The following DHRS3 variants were observed in gnomAD, a reference collection of about 807,000 sequenced individuals.
The protein encoded by DHRS3 is short-chain dehydrogenase/reductase 3.
In DHRS3, 14 loss-of-function variants were observed where a neutral mutation model predicts 27.2. That is an observed-to-expected ratio of 0.52 (90% confidence interval 0.34 to 0.81). The LOEUF (loss-of-function observed/expected upper bound fraction) is 0.81, where lower values mean the gene tolerates loss of function less well. Ranked by LOEUF, DHRS3 falls within the 30% of genes least tolerant of loss-of-function variation. The pLI, the probability that DHRS3 is intolerant of heterozygous loss-of-function variation, is 0.01. For missense variants in DHRS3, 322 were observed against 406.2 expected (o/e 0.79, Z 1.78); for synonymous variants, 165 against 175.9 (o/e 0.94, Z 0.49).
Position 12,578,084 on chromosome 1 carries a change from A to C in DHRS3, c.698+634T>G, listed in dbSNP as rs916245946. On this transcript the variant is annotated intron_variant, in intron 4 of 5. Transcript: ENST00000616661. The surrounding 1 kb of genome is among the most constrained non-coding windows in gnomAD (Gnocchi z 4.5). ...TGTTTTGGAACTTCATACAGGTGGA[A>C]CCAGGCAGAATGCACCCTATGTCTC... 1.2e-4 allele frequency among the ~76,000 whole-genome samples: 18 copies of C among 151,712 alleles called. No individual in the cohort carries two copies. The highest frequency in any genetic ancestry group is 2.0e-4 in the Admixed American group (3 of 15,232).
At chr1:12,601,319 C>T (rs182613619) in intron 1 of DHRS3, among the ~76,000 whole-genome samples, 34 of 152,252 alleles carry the variant, frequency 2.2e-4, no homozygotes, top group Non-Finnish European at 4.1e-4. Context: ...CACCCAGTCA[C>T]TGCCAGAGAG....
chr1:12,573,327 T>G (rs1296220675), intron 4 of DHRS3, among the ~76,000 whole-genome samples: 4 of 152,190 alleles, frequency 2.6e-5, no homozygotes, highest in Non-Finnish European at 5.9e-5. Flanking sequence ...TTCAGGCCAG[T>G]CCATCCAAAG....
At chr1:12,590,323 G>T (rs1375019938) in intron 1 of DHRS3, among the ~76,000 whole-genome samples, 1 of 152,060 alleles carries the variant, frequency 6.6e-6, no homozygotes, top group Non-Finnish European at 1.5e-5. Context: ...CATTTCTTTT[G>T]CTTTGAGATG....
At chr1:12,584,878 AGTGTGTGT>A (rs35962425) in intron 1 of DHRS3, among the ~76,000 whole-genome samples, 4 of 151,086 alleles carry the variant, frequency 2.6e-5, no homozygotes, top group Admixed American at 6.6e-5. Flanking sequence ...TGTCTCTGTA[AGTGTGTGT>A]GTGTGTGTGT....
intron 1 of DHRS3, among the ~76,000 whole-genome samples, chr1:12,616,283 C>G (rs1646943853): frequency 1.3e-5 from 2 of 152,172 alleles, no homozygotes; most frequent in South Asian, 4.2e-4. Context: ...GCCTGCCTCC[C>G]TCTCCTGATG....
At position 12,592,901 on chromosome 1, in the gene DHRS3, AC is replaced by A. The variant is rs1433747821; in HGVS notation, c.196-12236del. Reference sequence around the variant, plus strand: ...TCTCTCACTGTATGCCCACTCCACCACGCACCCTGTCAGCCTGACCTCTGAA... The same window carrying A: ...TCTCTCACTGTATGCCCACTCCACCAGCACCCTGTCAGCCTGACCTCTGAA... On this transcript the variant is annotated intron_variant, in intron 1 of 5. Coordinates refer to ENST00000616661, the MANE Select transcript of DHRS3 (RefSeq NM_004753.7). The surrounding 1 kb of genome is among the most constrained non-coding windows in gnomAD (Gnocchi z 4.2). Among the ~76,000 whole-genome samples the A allele has an allele frequency of 6.6e-6, 1 of 152,024 alleles. No individual in the cohort carries two copies. The highest frequency in any genetic ancestry group is 2.4e-5 in the African/African-American group (1 of 41,368).
At chr1:12,617,119 G>A (rs1449679664) in intron 1 of DHRS3, 35 bp downstream of exon 1, 2 of 1,587,038 alleles carry the variant, frequency 1.3e-6, no homozygotes, top group South Asian at 2.2e-5. Flanking sequence ...CCGCCCCTGC[G>A]GCCCCCCACT....
intron 1 of DHRS3, among the ~76,000 whole-genome samples, chr1:12,607,061 TGA>T (rs1646876837): frequency 6.6e-6 from 1 of 152,202 alleles, no homozygotes; most frequent in East Asian, 1.9e-4. Flanking sequence ...CTGCTTATAA[TGA>T]GAGTGTTTTG....
At chr1:12,568,948 C>T (rs966867832) in intron 5 of DHRS3, among the ~76,000 whole-genome samples, 13 of 152,016 alleles carry the variant, frequency 8.6e-5, no homozygotes, top group Non-Finnish European at 1.3e-4. Context: ...TCAGACTGGG[C>T]GTGGTGGCTC....
intron 1 of DHRS3, 65 bp downstream of exon 1, chr1:12,617,089 G>A (rs1646949355): frequency 6.6e-7 from 1 of 1,506,426 alleles, no homozygotes. Context: ...ATCCCGCAGC[G>A]GCAGCAGGTG....
intron 1 of DHRS3, among the ~76,000 whole-genome samples, chr1:12,582,822 C>T (rs2100667382): frequency 6.6e-6 from 1 of 151,424 alleles, no homozygotes; most frequent in Admixed American, 6.6e-5. Context: ...CCATCCATCC[C>T]TCCCTCGTCT....
intron 1 of DHRS3, among the ~76,000 whole-genome samples, chr1:12,582,735 C>T (rs879014728): frequency 1.3e-5 from 2 of 152,020 alleles, no homozygotes; most frequent in Admixed American, 1.3e-4. Context: ...CCTGTGTATA[C>T]AGCCACCCAT....
At position 12,591,128 on chromosome 1, in the gene DHRS3, G is replaced by A. The variant is rs1040134057; in HGVS notation, c.196-10462C>T. 6.6e-6 allele frequency among the ~76,000 whole-genome samples: 1 copy of A among 152,168 alleles called. No homozygotes were observed. On this transcript the variant is annotated intron_variant, in intron 1 of 5. Transcript: ENST00000616661. This position sits in a 1 kb window ranked among gnomAD's most constrained non-coding sequence, Gnocchi z 4.1. Reference sequence around the variant, plus strand: ...GTTCTGGATCTTCCATCAGCAAGGGGGATCTATATCTGTTGCTGTACTAAT... The same window carrying A: ...GTTCTGGATCTTCCATCAGCAAGGGAGATCTATATCTGTTGCTGTACTAAT...
chr1:12,590,371 C>A (rs1257983659), intron 1 of DHRS3, among the ~76,000 whole-genome samples: 5 of 152,136 alleles, frequency 3.3e-5, no homozygotes, highest in African/African-American at 9.7e-5. Context: ...AGTGCAGTGG[C>A]GTGATCTTGG....
rs2100696758 is a variant in DHRS3, at chr1:12,595,118, G to A, written c.196-14452C>T. Reference sequence around the variant, plus strand: ...GGGAGGGGAGGCGGTGAGCGAGAAAGCAGTTCCAGGTGGCAAAGGCAGCTC... The same window carrying A: ...GGGAGGGGAGGCGGTGAGCGAGAAAACAGTTCCAGGTGGCAAAGGCAGCTC... On this transcript the variant is annotated intron_variant, in intron 1 of 5. Coordinates refer to ENST00000616661, the MANE Select transcript of DHRS3 (RefSeq NM_004753.7). Among the ~76,000 whole-genome samples, 3 of 152,236 alleles carry A rather than the reference G, an allele frequency of 2.0e-5. No individual in the cohort carries two copies. The Middle Eastern group carries it at 0.01, about 521-fold the overall frequency.
At chr1:12,609,857 C>T (rs920794485) in intron 1 of DHRS3, among the ~76,000 whole-genome samples, 3 of 152,146 alleles carry the variant, frequency 2.0e-5, no homozygotes, top group South Asian at 4.1e-4. Flanking sequence ...GGTCCTCAGA[C>T]ACTCCACTCT....
At position 12,592,341 on chromosome 1, in the gene DHRS3, G is replaced by C. The variant is rs779315416; in HGVS notation, c.196-11675C>G. Among the ~76,000 whole-genome samples, 2 of 152,192 alleles carry C rather than the reference G, an allele frequency of 1.3e-5. No individual in the cohort carries two copies. Among genetic ancestry groups the C allele is most frequent in the Non-Finnish European group, 2.9e-5 (2 of 68,028 alleles). On this transcript the variant is annotated intron_variant, in intron 1 of 5. Coordinates refer to ENST00000616661, the MANE Select transcript of DHRS3 (RefSeq NM_004753.7). The surrounding 1 kb of genome is among the most constrained non-coding windows in gnomAD (Gnocchi z 4.2). ...GAAAGAGGGTCTTTGGAATTGAGTA[G>C]CTGTAATTGAGTTGGGGATCTCAAA... is the stretch of plus-strand genomic sequence containing the variant.
At chr1:12,601,503 C>T (rs898098514) in intron 1 of DHRS3, among the ~76,000 whole-genome samples, 1 of 152,152 alleles carries the variant, frequency 6.6e-6, no homozygotes, top group Admixed American at 6.5e-5. Flanking sequence ...GTCCTGACAG[C>T]ACTGAGCCCC....
intron 1 of DHRS3, among the ~76,000 whole-genome samples, chr1:12,584,554 T>TTGAATGAA (rs912703706): frequency 6.6e-6 from 1 of 150,490 alleles, no homozygotes; most frequent in South Asian, 2.1e-4. Flanking sequence ...ATTCTGTTTG[T>TTGAATGAA]TGAATGAATG....
Sources: gnomAD v4.1 joint callset for allele counts (sites outside exome capture counted in the v4.1 genomes callset) on GRCh38, gnomAD v4.1.1 for gene constraint, Gnocchi (gnomAD v3.1) non-coding constraint, MANE v1.5 for transcripts, NCBI Gene and HGNC (gene_info 2026-07-23, HGNC 2026-07-21) for gene names.